Variants in ACOXL observed in about 807,000 individuals in gnomAD.
The protein encoded by ACOXL is acyl-coenzyme A oxidase-like protein.
ACOXL carries 70 observed loss-of-function variants against 71.9 expected under a neutral mutation model. The ratio of observed to expected loss-of-function variants is 0.97; its 90% confidence interval spans 0.80 to 1.19. The LOEUF (loss-of-function observed/expected upper bound fraction) is 1.19. Among genes scored for constraint, ACOXL ranks in the 50% most tolerant of loss-of-function variants. The pLI is 0.00. For synonymous variants in ACOXL, 253 were observed against 281.6 expected, an observed-to-expected ratio of 0.90 and a Z score of 1.02; for missense variants, 703 against 736.3, an observed-to-expected ratio of 0.95 and a Z score of 0.52.
At chr2:110,851,829 C>G (rs557460801) in intron 10 of ACOXL, among the ~76,000 whole-genome samples, 1 of 152,194 alleles carries the variant, frequency 6.6e-6, no homozygotes, top group Non-Finnish European at 1.5e-5. Flanking sequence ...CCCAGAGATC[C>G]GGGAAATGGG....
At chr2:110,807,140 C>A (rs13391847) in intron 9 of ACOXL, among the ~76,000 whole-genome samples, 22 of 152,198 alleles carry the variant, frequency 1.4e-4, no homozygotes, top group Non-Finnish European at 2.9e-4. Flanking sequence ...ACTTCATTCC[C>A]GGCAACACGG....
At position 110,746,325 on chromosome 2, in the gene ACOXL, G is replaced by A. The variant is rs181314907; in HGVS notation, c.-23+13551G>A. Among the ~76,000 whole-genome samples, 189 of 152,058 alleles carry A rather than the reference G, an allele frequency of 1.2e-3. 1 individual carries two copies. Among genetic ancestry groups the A allele is most frequent in the African/African-American group, 4.5e-3 (188 of 41,472 alleles). On this transcript the variant is annotated intron_variant, in intron 1 of 17. Coordinates refer to ENST00000439055, the MANE Select transcript of ACOXL (RefSeq NM_001142807.4). ...AAATCACTGAGACCCCCAGATCCCT[G>A]GCTGTTCTCTCTGCCCCTCCTGATA...
At chr2:110,995,872 G>C (rs3761707) in intron 13 of ACOXL, 21 bp from the exon 14 acceptor site, 767,218 of 1,582,260 alleles carry the variant, frequency 0.48, 187,999 homozygotes, top group Middle Eastern at 0.52. Flanking sequence ...AATAATGATG[G>C]TCACCGTGAT....
chr2:110,903,615 T>C (rs962079773), intron 10 of ACOXL, among the ~76,000 whole-genome samples: 1 of 152,214 alleles, frequency 6.6e-6, no homozygotes, highest in Non-Finnish European at 1.5e-5. Flanking sequence ...TATGTGTTTT[T>C]AAAGGAAAAT....
At chr2:110,953,078 G>A (rs928851253) in intron 12 of ACOXL, among the ~76,000 whole-genome samples, 2 of 152,002 alleles carry the variant, frequency 1.3e-5, no homozygotes, top group South Asian at 2.1e-4. Flanking sequence ...CTGTCTTCAC[G>A]CTCTACATTC....
chr2:110,899,676 A>G (rs1183287136), intron 10 of ACOXL, among the ~76,000 whole-genome samples: 2 of 152,200 alleles, frequency 1.3e-5, no homozygotes, highest in South Asian at 2.1e-4. Flanking sequence ...AGCCTCAGCT[A>G]TAATTTATGG....
At chr2:110,758,124 C>T (rs1466340259) in intron 1 of ACOXL, among the ~76,000 whole-genome samples, 1 of 152,182 alleles carries the variant, frequency 6.6e-6, no homozygotes, top group Admixed American at 6.5e-5. Context: ...TGCCAGCTCT[C>T]CCAGCACCAT....
intron 9 of ACOXL, among the ~76,000 whole-genome samples, chr2:110,828,515 T>C (rs1689429583): frequency 6.6e-6 from 1 of 152,192 alleles, no homozygotes; most frequent in African/African-American, 2.4e-5. Flanking sequence ...GCATTGACAA[T>C]CGCCAGGCTG....
chr2:110,844,077 T>G (rs988688742), intron 10 of ACOXL, among the ~76,000 whole-genome samples: 5 of 152,050 alleles, frequency 3.3e-5, no homozygotes, highest in Admixed American at 2.0e-4. Flanking sequence ...TCTGAAGACT[T>G]TGGGAGCAGA....
At chr2:111,103,191 A>G (rs2069296495) in intron 17 of ACOXL, among the ~76,000 whole-genome samples, 1 of 152,202 alleles carries the variant, frequency 6.6e-6, no homozygotes, top group Non-Finnish European at 1.5e-5. Flanking sequence ...GTTACTAGGG[A>G]GGCTGAGGCA....
chr2:110,829,899 T>C (rs1689610354), intron 9 of ACOXL, among the ~76,000 whole-genome samples: 1 of 152,206 alleles, frequency 6.6e-6, no homozygotes, highest in Non-Finnish European at 1.5e-5. Flanking sequence ...AGAGATTGCT[T>C]CCTTGTTCTT....
chr2:110,743,284 C>A (rs1677769294), intron 1 of ACOXL, among the ~76,000 whole-genome samples: 1 of 152,184 alleles, frequency 6.6e-6, no homozygotes, highest in Admixed American at 6.5e-5. Context: ...GTGTTGTATG[C>A]ATATATCAGG....
rs1350794960 is a variant in ACOXL at position 111,092,960 on chromosome 2, G to A, written c.1536G>A (p.Arg512=). Residue 512 remains arginine (R), a synonymous_variant, in exon 17 of 18, where the codon AGG becomes AGA. Transcript: ENST00000439055. ...CTCCCATGGCCAGCACGAGGATCAG[G>A]AATCAGGTAAGGTCCCTGGGGTACA... The part of the protein sequence containing the change: ...YLTPMASTRI[R]NQLLDLCDSV... 1 of 1,613,882 alleles carries A rather than the reference G, an allele frequency of 6.2e-7. No homozygotes were observed. The highest frequency in any genetic ancestry group is 1.3e-5 in the African/African-American group (1 of 75,016).
chr2:110,774,235 A>G (rs1682357116), intron 2 of ACOXL, among the ~76,000 whole-genome samples: 1 of 152,146 alleles, frequency 6.6e-6, no homozygotes, highest in Non-Finnish European at 1.5e-5. Flanking sequence ...TGAACAAAGC[A>G]GGCAGAAATT....
chr2:111,103,764 A>AT lies in ACOXL; in HGVS notation c.1542+10808dup, dbSNP rs144201238. ...AATCTAACTTGAAAGTTATTCTGTG[A>AT]TTTTTTTTTTAATGAAGGTCTTTTT... On this transcript the variant is annotated intron_variant, in intron 17 of 17. Transcript: ENST00000439055. Among the ~76,000 whole-genome samples, 762 of 150,076 alleles carry AT rather than the reference A, an allele frequency of 5.1e-3. 13 individuals are homozygous for AT. Among genetic ancestry groups the AT allele is most frequent in the African/African-American group, 0.016 (675 of 41,104 alleles).
intron 16 of ACOXL, 108 bp downstream of exon 16, chr2:111,049,396 G>T: frequency 2.3e-6 from 2 of 856,756 alleles, no homozygotes; most frequent in East Asian, 5.4e-5. Flanking sequence ...TGTCTGAATC[G>T]TGTGCTCCAG....
At chr2:110,813,531 T>C (rs1038228613) in intron 9 of ACOXL, among the ~76,000 whole-genome samples, 2 of 152,170 alleles carry the variant, frequency 1.3e-5, no homozygotes, top group African/African-American at 4.8e-5. Context: ...GAAGTCCTTT[T>C]GGCCACCTCT....
At chr2:110,840,425 G>T (rs1167975982) in intron 9 of ACOXL, among the ~76,000 whole-genome samples, 1 of 152,104 alleles carries the variant, frequency 6.6e-6, no homozygotes, top group African/African-American at 2.4e-5. Flanking sequence ...TCACACAATA[G>T]GCACACGCAT....
At chr2:110,868,472 TCGA>T (rs1444838123) in intron 10 of ACOXL, among the ~76,000 whole-genome samples, 1 of 152,238 alleles carries the variant, frequency 6.6e-6, no homozygotes, top group African/African-American at 2.4e-5. Flanking sequence ...CTCTTCTCTA[TCGA>T]CCCACGTGAA....
Sources: gnomAD v4.1 joint callset for allele counts (sites outside exome capture counted in the v4.1 genomes callset) on GRCh38, gnomAD v4.1.1 for gene constraint, MANE v1.5 for transcripts, NCBI Gene and HGNC (gene_info 2026-07-23, HGNC 2026-07-21) for gene names.